SYNPR: variants seen among roughly 807,000 people sequenced by gnomAD.
SYNPR encodes the protein synaptoporin.
SYNPR carries 23 observed loss-of-function variants against 32.9 expected under a neutral mutation model. That is an observed-to-expected ratio of 0.70 (90% CI 0.50 to 0.99). The LOEUF is 0.99. SYNPR is among the 50% of genes least tolerant of loss of function. The pLI is 0.00. For synonymous variants in SYNPR, 146 were observed against 135.9 expected, an observed-to-expected ratio of 1.07 and a Z score of -0.52; for missense variants, 318 against 349.3, an observed-to-expected ratio of 0.91 and a Z score of 0.71.
At chr3:63,224,072 A>G (rs538092841), upstream of SYNPR, among the ~76,000 whole-genome samples, 1 of 152,340 alleles carries the variant, frequency 6.6e-6, no homozygotes, top group South Asian at 2.1e-4. Flanking sequence ...TTCAAAATGG[A>G]AAGAAATGAG....
chr3:63,494,444 TATAC>T (rs1701324970), intron 3 of SYNPR, among the ~76,000 whole-genome samples: 1 of 127,540 alleles, frequency 7.8e-6, no homozygotes, highest in Non-Finnish European at 1.6e-5. Context: ...CGTATATATA[TATAC>T]ACATATATAT....
At chr3:63,205,812 T>C in the SYNPR span, among the ~76,000 whole-genome samples, 20 of 152,356 alleles carry the variant, frequency 1.3e-4, no homozygotes, top group East Asian at 2.7e-3. Flanking sequence ...TTGCCTCAGT[T>C]AGAAAATACC....
chr3:63,543,358 C>T (rs1255333267), intron 3 of SYNPR, among the ~76,000 whole-genome samples: 2 of 152,020 alleles, frequency 1.3e-5, no homozygotes, highest in Non-Finnish European at 2.9e-5. Flanking sequence ...ACTTGTAAGA[C>T]TTATTTGTAG....
chr3:63,263,065 G>C (rs1257089862), intron 2 of SYNPR, among the ~76,000 whole-genome samples: 1 of 152,208 alleles, frequency 6.6e-6, no homozygotes, highest in African/African-American at 2.4e-5. Context: ...AAACTTGAGT[G>C]AATGTTTACA....
At chr3:63,593,834 A>G (rs1699882078) in intron 4 of SYNPR, among the ~76,000 whole-genome samples, 1 of 152,104 alleles carries the variant, frequency 6.6e-6, no homozygotes, top group Non-Finnish European at 1.5e-5. Flanking sequence ...ACATGAAACA[A>G]CTCAGGCAGA....
chr3:63,532,093 C>T (rs1236419017), intron 3 of SYNPR, among the ~76,000 whole-genome samples: 4 of 152,128 alleles, frequency 2.6e-5, no homozygotes, highest in African/African-American at 9.7e-5. Flanking sequence ...TGTTCTTGCT[C>T]AATAGAAGAC....
intron 2 of SYNPR, among the ~76,000 whole-genome samples, chr3:63,422,956 G>A (rs939487327): frequency 2.6e-5 from 4 of 152,074 alleles, no homozygotes; most frequent in African/African-American, 7.2e-5. Context: ...CACCATTCAG[G>A]AGTTAAAAAT....
the SYNPR span, among the ~76,000 whole-genome samples, chr3:63,219,338 G>A: frequency 7.2e-5 from 11 of 152,308 alleles, no homozygotes; most frequent in South Asian, 6.2e-4. Context: ...CAGAGGAGGC[G>A]GAGGACACTA....
chr3:63,410,543 C>T (rs1446177770), intron 2 of SYNPR, among the ~76,000 whole-genome samples: 1 of 152,128 alleles, frequency 6.6e-6, no homozygotes, highest in Non-Finnish European at 1.5e-5. Context: ...AAATTTTGAT[C>T]ATGATTTATG....
intron 4 of SYNPR, among the ~76,000 whole-genome samples, chr3:63,557,157 C>G (rs1271380745): frequency 1.3e-5 from 2 of 152,098 alleles, no homozygotes; most frequent in Non-Finnish European, 2.9e-5. Context: ...ATTCCTTACC[C>G]TACACCTCAC....
At chr3:63,408,406 G>A (rs769464908) in intron 2 of SYNPR, among the ~76,000 whole-genome samples, 1 of 152,014 alleles carries the variant, frequency 6.6e-6, no homozygotes, top group Non-Finnish European at 1.5e-5. Context: ...TTGTTATGGG[G>A]ATGAGCTCAT....
chr3:63,520,722 A>G (rs1575689359), intron 3 of SYNPR, among the ~76,000 whole-genome samples: 2 of 151,970 alleles, frequency 1.3e-5, no homozygotes, highest in African/African-American at 4.8e-5. Flanking sequence ...CATCAATTTA[A>G]CAGGCAGAAA....
chr3:63,435,252 C>A (rs1047695710), intron 2 of SYNPR, among the ~76,000 whole-genome samples: 4 of 152,188 alleles, frequency 2.6e-5, no homozygotes, highest in Non-Finnish European at 5.9e-5. Flanking sequence ...CTGAACCGCA[C>A]TAAACCTTAT....
At chr3:63,284,578 G>A (rs2086662464) in intron 2 of SYNPR, among the ~76,000 whole-genome samples, 1 of 152,196 alleles carries the variant, frequency 6.6e-6, no homozygotes, top group African/African-American at 2.4e-5. Context: ...GATGCAGCAT[G>A]TCGATATGTG....
chr3:63,441,572 A>G (rs916944746), intron 2 of SYNPR, among the ~76,000 whole-genome samples: 10 of 152,118 alleles, frequency 6.6e-5, no homozygotes, highest in African/African-American at 2.4e-4. Context: ...ATGCCGGGTG[A>G]TTCTAAGGCT....
intron 3 of SYNPR, among the ~76,000 whole-genome samples, chr3:63,513,257 C>T (rs114670686): frequency 2.4e-4 from 35 of 148,450 alleles, no homozygotes; most frequent in Middle Eastern, 3.5e-3. Context: ...CACTGTGTTG[C>T]CCAGGCTGGT....
intron 2 of SYNPR, among the ~76,000 whole-genome samples, chr3:63,325,485 C>T (rs10440158): frequency 0.012 from 1,763 of 152,150 alleles, 35 homozygotes; most frequent in African/African-American, 0.032. Context: ...CAATTTATTC[C>T]CCCTTTCTAC....
At chr3:63,310,807 C>G (rs2086956336) in intron 2 of SYNPR, among the ~76,000 whole-genome samples, 1 of 151,992 alleles carries the variant, frequency 6.6e-6, no homozygotes, top group Non-Finnish European at 1.5e-5. Flanking sequence ...GCTTGAAAGT[C>G]AGGAGGGCTG....
intron 2 of SYNPR, among the ~76,000 whole-genome samples, chr3:63,421,397 T>G (rs1699795931): frequency 6.7e-6 from 1 of 150,244 alleles, no homozygotes; most frequent in Admixed American, 6.6e-5. Context: ...ATATAGTATA[T>G]CCATACACTG....
Sources: gnomAD v4.1 joint callset for allele counts (sites outside exome capture counted in the v4.1 genomes callset) on GRCh38, gnomAD v4.1.1 for gene constraint, MANE v1.5 for transcripts, NCBI Gene and HGNC (gene_info 2026-07-23, HGNC 2026-07-21) for gene names.